Variants in PTPRN2 observed in about 807,000 individuals in gnomAD.
The protein encoded by PTPRN2 is receptor-type tyrosine-protein phosphatase N2.
In PTPRN2, 74 loss-of-function variants were observed where a neutral mutation model predicts 118.8. The ratio of observed to expected loss-of-function variants is 0.62; its 90% confidence interval spans 0.52 to 0.76. The LOEUF is 0.76. PTPRN2 is among the 30% of genes least tolerant of loss of function. The pLI is 0.00. For synonymous variants in PTPRN2, 641 were observed against 608.0 expected (o/e 1.05, Z -0.80); for missense variants, 1,481 against 1,394.4 (o/e 1.06, Z -0.99).
Position 158,444,360 on chromosome 7 carries a change from C to T in PTPRN2, c.163+45375G>A, listed in dbSNP as rs190355673. ...GGCGCCTCCTCCCCTGTTGCAGCCCCACTGGGTCCCCAAGTCCCCACCCAC... is the reference window on the plus strand; with the variant it reads ...GGCGCCTCCTCCCCTGTTGCAGCCCTACTGGGTCCCCAAGTCCCCACCCAC... On this transcript the variant is annotated intron_variant, in intron 2 of 22. Transcript: ENST00000389418. Among the ~76,000 whole-genome samples the T allele has an allele frequency of 3.2e-3, 491 of 152,402 alleles. 2 individuals carry two copies. Among genetic ancestry groups the T allele is most frequent in the African/African-American group, 0.011 (457 of 41,602 alleles).
At chr7:158,070,722 T>TGTGGAGGTGCCCGTGGTG (rs1280627619) in intron 11 of PTPRN2, among the ~76,000 whole-genome samples, 860 of 44,222 alleles carry the variant, frequency 0.019, 51 homozygotes, top group Non-Finnish European at 0.026. Context: ...GTGCCTGTGG[T>TGTGGAGGTGCCCGTGGTG]GTGGAGGTGC....
chr7:157,746,802 T>C (rs1174539222), intron 12 of PTPRN2, among the ~76,000 whole-genome samples: 2 of 152,186 alleles, frequency 1.3e-5, no homozygotes, highest in Non-Finnish European at 2.9e-5. Flanking sequence ...AGGGGGATGG[T>C]GAGGCAGTGT....
rs1268351102 is a variant in PTPRN2 at position 158,469,032 on chromosome 7, CCG to C, written c.163+20701_163+20702del. ...AACACTATGCACACCCACACACACT[CCG>C]GGTGGATCAACACTATGCACACCCA... On this transcript the variant is annotated intron_variant, in intron 2 of 22. Coordinates refer to ENST00000389418, the MANE Select transcript of PTPRN2 (RefSeq NM_002847.5). Among the ~76,000 whole-genome samples the C allele has an allele frequency of 5.3e-5, 8 of 152,056 alleles. No homozygotes were observed. In the East Asian group the frequency reaches 7.7e-4, roughly 15 times the overall value.
In PTPRN2 at chr7:158,543,358, G is replaced by A. The variant is rs767824245; in HGVS notation, c.112+44200C>T. On this transcript the variant is annotated intron_variant, in intron 1 of 22. Coordinates refer to ENST00000389418, the MANE Select transcript of PTPRN2 (RefSeq NM_002847.5). ...CTCAGCCACCCACAACGGCCGCCCC[G>A]CCGGCTGTTCCCAGCAGGGCTGTGC... 1.8e-4 allele frequency among the ~76,000 whole-genome samples: 28 copies of A among 152,334 alleles called. No homozygotes were observed. The East Asian group carries it at 3.5e-3, about 19-fold the overall frequency.
intron 11 of PTPRN2, among the ~76,000 whole-genome samples, chr7:158,059,143 A>G (rs1284272572): frequency 4.0e-4 from 46 of 114,018 alleles, no homozygotes; most frequent in African/African-American, 1.3e-3. Flanking sequence ...CCACGGTGAG[A>G]CATCACTGCA....
At chr7:158,073,639 G>A (rs1812116043) in intron 11 of PTPRN2, among the ~76,000 whole-genome samples, 1 of 149,762 alleles carries the variant, frequency 6.7e-6, no homozygotes, top group South Asian at 2.1e-4. Flanking sequence ...AGATGAGGCC[G>A]CTTCCTACTA....
At chr7:157,769,408 G>C (rs1802671548) in intron 12 of PTPRN2, among the ~76,000 whole-genome samples, 1 of 152,168 alleles carries the variant, frequency 6.6e-6, no homozygotes, top group African/African-American at 2.4e-5. Context: ...TGTCGGGGGG[G>C]CAGTTAAGGA....
intron 10 of PTPRN2, among the ~76,000 whole-genome samples, chr7:158,096,378 C>T (rs1459855572): frequency 1.3e-5 from 2 of 152,226 alleles, no homozygotes; most frequent in African/African-American, 4.8e-5. Flanking sequence ...AACTGCTCTC[C>T]TCCTAAATGG....
chr7:158,213,251 T>TGG (rs1554582610), intron 3 of PTPRN2, among the ~76,000 whole-genome samples: 8 of 136,598 alleles, frequency 5.9e-5, no homozygotes, highest in Non-Finnish European at 9.4e-5. Flanking sequence ...TGTGTGTGTG[T>TGG]GGCGTAGGAA....
In PTPRN2 at chr7:158,281,450, C is replaced by G. The variant is rs186015047; in HGVS notation, c.277+35369G>C. Among the ~76,000 whole-genome samples, 58 of 152,314 alleles carry G rather than the reference C, an allele frequency of 3.8e-4. No individual in the cohort carries two copies. The East Asian group carries it at 0.011, about 29-fold the overall frequency. Reference sequence around the variant, plus strand: ...CATCAAGAACATAGTCACCAAAATCCAAGCGGATGGGCACAGCCATTTGCA... The same window carrying G: ...CATCAAGAACATAGTCACCAAAATCGAAGCGGATGGGCACAGCCATTTGCA... On this transcript the variant is annotated intron_variant, in intron 3 of 22. Transcript: ENST00000389418.
intron 5 of PTPRN2, 27 bp downstream of exon 5, chr7:158,192,300 G>A (rs3800856): frequency 0.18 from 255,997 of 1,443,070 alleles, 24,908 homozygotes; most frequent in African/African-American, 0.35. Context: ...AGCCAACCCC[G>A]GCCCGGGGAG....
intron 10 of PTPRN2, among the ~76,000 whole-genome samples, chr7:158,081,716 C>G (rs1183426730): frequency 6.6e-6 from 1 of 152,264 alleles, no homozygotes; most frequent in East Asian, 1.9e-4. Context: ...AGATTTTAGT[C>G]TTTGGTCCCC....
At chr7:158,583,702 A>C (rs1338184634) in intron 1 of PTPRN2, among the ~76,000 whole-genome samples, 1 of 152,192 alleles carries the variant, frequency 6.6e-6, no homozygotes, top group Admixed American at 6.5e-5. Flanking sequence ...TCCTTCTTCC[A>C]GAAGCCTAGG....
chr7:158,164,464 G>A (rs1822730233), intron 6 of PTPRN2, among the ~76,000 whole-genome samples: 1 of 138,364 alleles, frequency 7.2e-6, no homozygotes, highest in African/African-American at 2.7e-5. Flanking sequence ...CGCAGAGCAG[G>A]AGCGCGCGCG....
chr7:157,628,025 T>C (rs1803691293), intron 14 of PTPRN2, among the ~76,000 whole-genome samples: 1 of 152,210 alleles, frequency 6.6e-6, no homozygotes, highest in African/African-American at 2.4e-5. Context: ...TGTCTCATGG[T>C]GTTTTCTAGC....
chr7:158,581,153 C>T (rs972539321), intron 1 of PTPRN2, among the ~76,000 whole-genome samples: 10 of 151,810 alleles, frequency 6.6e-5, no homozygotes, highest in East Asian at 5.8e-4. Flanking sequence ...GTAGAATCCT[C>T]GGCCCATCCT....
chr7:158,332,927 A>G (rs1306329494), intron 2 of PTPRN2, among the ~76,000 whole-genome samples: 61 of 108,316 alleles, frequency 5.6e-4, no homozygotes, highest in East Asian at 1.9e-3. Context: ...CACCATAAGA[A>G]GTGACACCTG....
At chr7:157,692,573 C>T (rs1305639446) in intron 12 of PTPRN2, among the ~76,000 whole-genome samples, 1 of 152,210 alleles carries the variant, frequency 6.6e-6, no homozygotes, top group Non-Finnish European at 1.5e-5. Context: ...CTGAGTTCCG[C>T]ATTTATTTTT....
In PTPRN2 at chr7:158,555,063, C is replaced by T. The variant is rs1341930863; in HGVS notation, c.112+32495G>A. On this transcript the variant is annotated intron_variant, in intron 1 of 22. Coordinates refer to ENST00000389418, the MANE Select transcript of PTPRN2 (RefSeq NM_002847.5). This position sits in a 1 kb window ranked among gnomAD's most constrained non-coding sequence, Gnocchi z 4.7. Reference sequence around the variant, plus strand: ...GAATTCTGAGGCTGCCCACAGCAAGCCTGATACAGAGTCACACACCAGATG... The same window carrying T: ...GAATTCTGAGGCTGCCCACAGCAAGTCTGATACAGAGTCACACACCAGATG... Among the ~76,000 whole-genome samples the T allele has an allele frequency of 6.6e-6, 1 of 152,178 alleles. No individual in the cohort carries two copies. The highest frequency in any genetic ancestry group is 1.5e-5 in the Non-Finnish European group (1 of 68,038).
Sources: gnomAD v4.1 joint callset for allele counts (sites outside exome capture counted in the v4.1 genomes callset) on GRCh38, gnomAD v4.1.1 for gene constraint, Gnocchi (gnomAD v3.1) non-coding constraint, MANE v1.5 for transcripts, NCBI Gene and HGNC (gene_info 2026-07-23, HGNC 2026-07-21) for gene names.